Variants in GABPB1 observed in about 807,000 individuals in gnomAD.
GABPB1 encodes GA-binding protein subunit beta-1.
A neutral mutation model predicts 45.9 loss-of-function variants in GABPB1; 15 were observed. The observed-to-expected ratio is 0.33, with a 90% CI of 0.22 to 0.50. GABPB1 has a LOEUF of 0.50. Among genes scored for constraint, GABPB1 ranks in the 20% least tolerant of loss-of-function variants. The pLI is 0.98. For synonymous variants in GABPB1, 143 were observed against 154.4 expected, an observed-to-expected ratio of 0.93 and a Z score of 0.55; for missense variants, 252 against 457.5, an observed-to-expected ratio of 0.55 and a Z score of 4.10.
intron 1 of GABPB1, among the ~76,000 whole-genome samples, chr15:50,320,386 TC>T (rs1426820583): frequency 6.6e-6 from 1 of 152,230 alleles, no homozygotes; most frequent in Admixed American, 6.5e-5. Context: ...CAGGCTGGTC[TC>T]AAACTCCTGA....
chr15:50,303,233 A>C (rs2046820298), intron 3 of GABPB1, 110 bp from the exon 4 acceptor site: 1 of 814,070 alleles, frequency 1.2e-6, no homozygotes, highest in Admixed American at 2.7e-5. Flanking sequence ...AATGTAGTCA[A>C]TTATTTATAT....
At chr15:50,316,505 C>T (rs1441149204) in intron 1 of GABPB1, among the ~76,000 whole-genome samples, 1 of 152,096 alleles carries the variant, frequency 6.6e-6, no homozygotes, top group African/African-American at 2.4e-5. Context: ...TTAAAATAAA[C>T]TTGCTATATA....
intron 1 of GABPB1, among the ~76,000 whole-genome samples, chr15:50,340,759 CTA>C (rs1212298000): frequency 6.6e-6 from 1 of 151,300 alleles, no homozygotes; most frequent in African/African-American, 2.4e-5. Context: ...TTGTTGGCCA[CTA>C]TGTTTCCTCT....
At chr15:50,301,055 T>G in intron 5 of GABPB1, 153 bp from the exon 6 acceptor site, 1 of 843,824 alleles carries the variant, frequency 1.2e-6, no homozygotes, top group Non-Finnish European at 1.8e-6. Context: ...AATATCACCT[T>G]TCTTCAGATT....
intron 1 of GABPB1, among the ~76,000 whole-genome samples, chr15:50,336,621 T>C (rs2048137632): frequency 6.6e-6 from 1 of 151,074 alleles, no homozygotes; most frequent in South Asian, 2.1e-4. Context: ...AGGTCAAAGT[T>C]GCAGTGAGCC....
chr15:50,290,172 T>C (rs1027322043), intron 6 of GABPB1, among the ~76,000 whole-genome samples: 1 of 152,236 alleles, frequency 6.6e-6, no homozygotes, highest in African/African-American at 2.4e-5. Flanking sequence ...AAGTCTCTCA[T>C]AATTTACAAT....
intron 8 of GABPB1, among the ~76,000 whole-genome samples, chr15:50,282,647 T>C (rs964146077): frequency 4.0e-5 from 6 of 148,424 alleles, no homozygotes; most frequent in South Asian, 2.1e-4. Context: ...AAAAAAAAGA[T>C]TGAAAAGCTT....
intron 1 of GABPB1, chr15:50,351,247 C>T (rs1185439267): frequency 6.6e-6 from 1 of 152,242 alleles, no homozygotes; most frequent in African/African-American, 2.4e-5. Flanking sequence ...GTGGGGCTAA[C>T]ACCTTGCTCT....
At chr15:50,293,296 A>C (rs1207014394) in intron 6 of GABPB1, among the ~76,000 whole-genome samples, 1 of 152,178 alleles carries the variant, frequency 6.6e-6, no homozygotes, top group Non-Finnish European at 1.5e-5. Flanking sequence ...TAAGGCAGGA[A>C]AAATACTAGG....
chr15:50,288,722 T>C (rs1444677093), intron 7 of GABPB1, among the ~76,000 whole-genome samples: 2 of 152,226 alleles, frequency 1.3e-5, no homozygotes, highest in Non-Finnish European at 2.9e-5. Flanking sequence ...TTTTGTTTCA[T>C]CTTGTTAGCC....
intron 1 of GABPB1, among the ~76,000 whole-genome samples, chr15:50,319,229 T>G (rs1405760464): frequency 6.6e-6 from 1 of 152,224 alleles, no homozygotes; most frequent in Non-Finnish European, 1.5e-5. Flanking sequence ...TAAGAAGGCT[T>G]ATTTTTTTAC....
chr15:50,345,501 A>G (rs1188586094), intron 1 of GABPB1, among the ~76,000 whole-genome samples: 1 of 152,152 alleles, frequency 6.6e-6, no homozygotes, highest in Admixed American at 6.5e-5. Context: ...TGGGGAGGTC[A>G]AGGCTGCAGT....
chr15:50,305,046 TA>T (rs1393003635), intron 2 of GABPB1, among the ~76,000 whole-genome samples: 1 of 152,176 alleles, frequency 6.6e-6, no homozygotes, highest in Non-Finnish European at 1.5e-5. Flanking sequence ...GTCTAGTCAT[TA>T]AATTGACATC....
chr15:50,310,174 C>T (rs2047082064), intron 1 of GABPB1, among the ~76,000 whole-genome samples: 1 of 152,146 alleles, frequency 6.6e-6, no homozygotes, highest in African/African-American at 2.4e-5. Flanking sequence ...CTCACTGCAA[C>T]CTCCGCCTCC....
At chr15:50,333,696 T>C (rs1186846235) in intron 1 of GABPB1, among the ~76,000 whole-genome samples, 1 of 152,182 alleles carries the variant, frequency 6.6e-6, no homozygotes, top group Non-Finnish European at 1.5e-5. Context: ...TTCCATATAG[T>C]AGACATTTCA....
chr15:50,319,337 A>G (rs990413941), intron 1 of GABPB1, among the ~76,000 whole-genome samples: 2 of 152,140 alleles, frequency 1.3e-5, no homozygotes, highest in African/African-American at 2.4e-5. Context: ...ACACGTATAT[A>G]TTGCATCGTG....
intron 2 of GABPB1, among the ~76,000 whole-genome samples, chr15:50,304,714 GAAAA>G (rs1230865292): frequency 1.9e-5 from 2 of 105,416 alleles, no homozygotes; most frequent in Non-Finnish European, 4.1e-5. Flanking sequence ...TTGGTCTAAA[GAAAA>G]AAAAAAAAAA....
At chr15:50,351,028 T>G (rs2048799494) in intron 1 of GABPB1, 1 of 152,238 alleles carries the variant, frequency 6.6e-6, no homozygotes, top group Non-Finnish European at 1.5e-5. Flanking sequence ...TAAGTGATTT[T>G]GACACTTAGG....
intron 8 of GABPB1, among the ~76,000 whole-genome samples, chr15:50,281,909 C>G (rs1324370892): frequency 6.6e-6 from 1 of 152,134 alleles, no homozygotes; most frequent in Non-Finnish European, 1.5e-5. Flanking sequence ...AGAGACTAGC[C>G]TGGGCAACAG....
Sources: gnomAD v4.1 joint callset for allele counts (sites outside exome capture counted in the v4.1 genomes callset) on GRCh38, gnomAD v4.1.1 for gene constraint, MANE v1.5 for transcripts, NCBI Gene and HGNC (gene_info 2026-07-23, HGNC 2026-07-21) for gene names.